Variants in RSPO2 observed in about 807,000 individuals in gnomAD.
RSPO2 encodes the protein R-spondin 2, also known as R-spondin-2.
RSPO2 carries 14 observed loss-of-function variants against 30.9 expected under a neutral mutation model. The ratio of observed to expected loss-of-function variants is 0.45; its 90% CI spans 0.30 to 0.71. The LOEUF is 0.71. Ranked by LOEUF, RSPO2 falls within the 30% of genes least tolerant of loss-of-function variation. RSPO2 has a pLI of 0.08. For missense variants in RSPO2, 264 were observed against 301.9 expected, an observed-to-expected ratio of 0.87 and a Z score of 0.93; for synonymous variants, 107 against 96.4, an observed-to-expected ratio of 1.11 and a Z score of -0.64.
At chr8:107,954,449 T>C (rs1009001175) in intron 5 of RSPO2, among the ~76,000 whole-genome samples, 1 of 152,182 alleles carries the variant, frequency 6.6e-6, no homozygotes, top group African/African-American at 2.4e-5. Flanking sequence ...TCTTAATTAG[T>C]ATACTCAGGG....
chr8:107,934,042 C>T (rs764872543), intron 5 of RSPO2, among the ~76,000 whole-genome samples: 3 of 152,018 alleles, frequency 2.0e-5, no homozygotes, highest in Non-Finnish European at 2.9e-5. Context: ...AGGAGGAATC[C>T]TCCTCATTAA....
chr8:108,058,667 A>C (rs1436752985), intron 2 of RSPO2, among the ~76,000 whole-genome samples: 1 of 151,960 alleles, frequency 6.6e-6, no homozygotes. Flanking sequence ...TCAATGGAAC[A>C]GAACAGAGCC....
intron 5 of RSPO2, among the ~76,000 whole-genome samples, chr8:107,931,565 T>G (rs1586555137): frequency 6.6e-6 from 1 of 152,080 alleles, no homozygotes; most frequent in African/African-American, 2.4e-5. Flanking sequence ...TAGAATAAAG[T>G]CTGTGGACGT....
intron 2 of RSPO2, among the ~76,000 whole-genome samples, chr8:107,999,677 C>T (rs536396673): frequency 5.3e-5 from 8 of 152,184 alleles, no homozygotes; most frequent in East Asian, 1.9e-4. Flanking sequence ...TCAAGTGATC[C>T]GCCTGCCTCA....
At chr8:108,008,146 A>T (rs569695563) in intron 2 of RSPO2, among the ~76,000 whole-genome samples, 37 of 152,130 alleles carry the variant, frequency 2.4e-4, no homozygotes, top group Non-Finnish European at 4.1e-4. Context: ...GTATATAAAC[A>T]TTTCTAGGGC....
chr8:108,022,921 C>CAAA (rs35195076), intron 2 of RSPO2, among the ~76,000 whole-genome samples: 11 of 93,968 alleles, frequency 1.2e-4, no homozygotes, highest in African/African-American at 3.4e-4. Context: ...ACAAAACTGT[C>CAAA]AAAAAAAAAA....
At chr8:108,065,811 G>A (rs1407892524) in intron 2 of RSPO2, among the ~76,000 whole-genome samples, 1 of 152,188 alleles carries the variant, frequency 6.6e-6, no homozygotes, top group Admixed American at 6.5e-5. Context: ...GCCAAGGTGG[G>A]CGGATCACCT....
intron 3 of RSPO2, among the ~76,000 whole-genome samples, chr8:107,967,373 T>C (rs1813839227): frequency 6.6e-6 from 1 of 152,208 alleles, no homozygotes; most frequent in Non-Finnish European, 1.5e-5. Flanking sequence ...GTTTTAAGCT[T>C]TATGTTATCA....
At position 108,082,654 on chromosome 8, in the gene RSPO2, G is replaced by C. The variant is rs375856739; in HGVS notation, c.-16C>G. ...GAAACTGCATCTGGGCGGTCGGGCG[G>C]GGGAGAGACGCCTCTCAAAGTCTAG... is the stretch of plus-strand genomic sequence containing the variant. On this transcript the variant is annotated 5_prime_UTR_variant, in exon 2 of 6. Transcript: ENST00000276659. The C allele has an allele frequency of 1.1e-4, 171 of 1,603,592 alleles. No individual in the cohort carries two copies. Among genetic ancestry groups the C allele is most frequent in the Admixed American group, 6.2e-4 (37 of 59,978 alleles).
At chr8:108,036,790 T>C (rs1426022420) in intron 2 of RSPO2, among the ~76,000 whole-genome samples, 1 of 152,224 alleles carries the variant, frequency 6.6e-6, no homozygotes, top group East Asian at 1.9e-4. Context: ...CCTTCTTCTG[T>C]CACATTTTGG....
intron 5 of RSPO2, among the ~76,000 whole-genome samples, chr8:107,945,609 T>C (rs1368468201): frequency 6.6e-6 from 1 of 152,186 alleles, no homozygotes; most frequent in African/African-American, 2.4e-5. Flanking sequence ...AACACATGCA[T>C]TGTTTCAACA....
At chr8:107,915,690 G>A (rs1387140221) in intron 5 of RSPO2, among the ~76,000 whole-genome samples, 2 of 152,034 alleles carry the variant, frequency 1.3e-5, no homozygotes, top group Non-Finnish European at 2.9e-5. Flanking sequence ...TATTTGTCTG[G>A]TCACATTCGG....
At chr8:107,912,789 A>G (rs1811863777) in intron 5 of RSPO2, among the ~76,000 whole-genome samples, 1 of 152,150 alleles carries the variant, frequency 6.6e-6, no homozygotes, top group Non-Finnish European at 1.5e-5. Flanking sequence ...TGACACAAAT[A>G]CCAGTGGTAT....
chr8:107,907,407 A>G (rs573253229), intron 5 of RSPO2, among the ~76,000 whole-genome samples: 2 of 152,220 alleles, frequency 1.3e-5, no homozygotes, highest in African/African-American at 4.8e-5. Context: ...TTCCTTAAGA[A>G]AAAATAATCT....
intron 5 of RSPO2, among the ~76,000 whole-genome samples, chr8:107,950,439 G>A (rs1813205123): frequency 6.6e-6 from 1 of 151,202 alleles, no homozygotes; most frequent in South Asian, 2.1e-4. Flanking sequence ...TCGGGCCTGA[G>A]CTCTTATTCT....
chr8:107,989,330 TTTTC>T, intron 2 of RSPO2, 86 bp from the exon 3 acceptor site: 2 of 829,816 alleles, frequency 2.4e-6, no homozygotes, highest in Middle Eastern at 6.7e-4. Context: ...CAAATGTTTC[TTTTC>T]TTTCTGCTAT....
intron 5 of RSPO2, among the ~76,000 whole-genome samples, chr8:107,937,573 C>T (rs77796376): frequency 0.12 from 18,094 of 149,960 alleles, 1,417 homozygotes; most frequent in Middle Eastern, 0.3. Flanking sequence ...GCTGCCCTTG[C>T]TCTTTTTATT....
chr8:107,962,632 T>C (rs1339700175), intron 3 of RSPO2, among the ~76,000 whole-genome samples: 1 of 152,184 alleles, frequency 6.6e-6, no homozygotes, highest in Non-Finnish European at 1.5e-5. Context: ...CAATAACCTC[T>C]TAATCATGGT....
chr8:108,046,363 G>A (rs1362130589), intron 2 of RSPO2, among the ~76,000 whole-genome samples: 1 of 152,000 alleles, frequency 6.6e-6, no homozygotes, highest in African/African-American at 2.4e-5. Context: ...CATACACCAT[G>A]AAACATTTAA....
Sources: allele counts gnomAD v4.1 joint callset (sites outside exome capture counted in the v4.1 genomes callset), GRCh38; gene constraint gnomAD v4.1.1; transcripts MANE v1.5; gene names NCBI Gene and HGNC (gene_info 2026-07-23, HGNC 2026-07-21).